Variants in NCOR1 observed in about 807,000 individuals in gnomAD.
NCOR1 encodes nuclear receptor corepressor 1, also known as protein phosphatase 1, regulatory subunit 109.
NCOR1 carries 63 observed loss-of-function variants against 288.1 expected under a neutral mutation model. The observed-to-expected ratio is 0.22, with a 90% CI of 0.18 to 0.27. NCOR1 has a LOEUF of 0.27. Ranked by LOEUF, NCOR1 falls within the 10% of genes least tolerant of loss-of-function variation. The pLI, the probability that NCOR1 is intolerant of heterozygous loss-of-function variation, is 1.00. For missense variants in NCOR1, 2,397 were observed against 3,019.2 expected (o/e 0.79, Z 4.83); for synonymous variants, 1,007 against 1,065.9 (o/e 0.94, Z 1.08).
At chr17:16,140,225 C>G (rs1021364582) in intron 11 of NCOR1, among the ~76,000 whole-genome samples, 2 of 151,616 alleles carry the variant, frequency 1.3e-5, no homozygotes, top group African/African-American at 2.4e-5. Context: ...ATAAATTTAA[C>G]AGAGATTTAC....
intron 5 of NCOR1, among the ~76,000 whole-genome samples, chr17:16,161,172 C>T (rs1439991695): frequency 6.6e-6 from 1 of 151,704 alleles, no homozygotes; most frequent in Non-Finnish European, 1.5e-5. Flanking sequence ...GTTCTTAGTA[C>T]CCAAATAGCC....
chr17:16,119,349 T>C, intron 17 of NCOR1, 74 bp downstream of exon 17: 1 of 1,076,618 alleles, frequency 9.3e-7, no homozygotes, highest in Non-Finnish European at 1.4e-6. Context: ...AAACAATTAG[T>C]TCCATCTCAC....
At chr17:16,080,850 C>A in intron 23 of NCOR1, 123 bp from the exon 24 acceptor site, 3 of 941,324 alleles carry the variant, frequency 3.2e-6, no homozygotes, top group East Asian at 2.7e-5. Flanking sequence ...CCCCTTCTAC[C>A]CAAAACCAAG....
intron 43 of NCOR1, chr17:16,040,167 A>G (rs777943849): frequency 3.5e-6 from 2 of 563,404 alleles, no homozygotes; most frequent in Admixed American, 2.2e-5. Context: ...CACTTCTATT[A>G]AAGTTACTCA....
rs1006107925 is a variant in NCOR1, at chr17:16,032,135, A to G, written c.*161T>C. On this transcript the variant is annotated 3_prime_UTR_variant, in exon 46 of 46. Transcript: ENST00000268712. ...TTGTTTTTTTCCCATTTGACTCTCC[A>G]AATGAACTTCCATCATTTCTTCATC... The G allele has an allele frequency of 3.0e-5, 22 of 726,964 alleles. No individual in the cohort carries two copies. In the African/African-American group the frequency reaches 4.1e-4, roughly 14 times the overall value. 45.0% of individuals were successfully genotyped at this position (726,964 alleles called of 1,614,324 possible). A position where few individuals can be genotyped will look rare whatever the true frequency, so the allele number is the denominator to read the frequency against.
At chr17:16,178,272 G>A (rs1293022421) in intron 3 of NCOR1, among the ~76,000 whole-genome samples, 1 of 151,926 alleles carries the variant, frequency 6.6e-6, no homozygotes, top group Non-Finnish European at 1.5e-5. Context: ...GGCTGAGGCA[G>A]GCAAATCCCA....
At chr17:16,085,182 ATTGT>A (rs774850239) in intron 23 of NCOR1, among the ~76,000 whole-genome samples, 7 of 152,348 alleles carry the variant, frequency 4.6e-5, no homozygotes, top group Non-Finnish European at 8.8e-5. Context: ...AGTGCCCAAC[ATTGT>A]TTGTTTTCAG....
chr17:16,200,482 C>A (rs62072520), intron 1 of NCOR1, among the ~76,000 whole-genome samples: 36 of 109,816 alleles, frequency 3.3e-4, no homozygotes, highest in African/African-American at 1.3e-3. Context: ...GACAACAGAG[C>A]GAGACTCCAT....
intron 21 of NCOR1, among the ~76,000 whole-genome samples, chr17:16,094,100 G>A (rs898623883): frequency 7.9e-5 from 12 of 151,574 alleles, no homozygotes; most frequent in African/African-American, 2.9e-4. Context: ...ACAGGGTTTC[G>A]CTATGTTGCC....
intron 3 of NCOR1, among the ~76,000 whole-genome samples, chr17:16,178,310 T>G (rs1225078137): frequency 6.6e-5 from 10 of 151,740 alleles, no homozygotes; most frequent in Non-Finnish European, 1.5e-5. Flanking sequence ...CCATCCTGAC[T>G]AACACAGTGA....
chr17:16,058,204 G>GAA, intron 38 of NCOR1, 140 bp from the exon 39 acceptor site: 3 of 966,054 alleles, frequency 3.1e-6, no homozygotes, highest in East Asian at 2.9e-5. Context: ...TAATTTTGGA[G>GAA]AAAAAAAAAA....
chr17:16,091,591 CTTTA>C (rs1451047846), intron 22 of NCOR1: 14 of 1,281,520 alleles, frequency 1.1e-5, no homozygotes, highest in East Asian at 3.5e-5. Flanking sequence ...TAAAGCATAA[CTTTA>C]TTTATAATGT....
rs139458532 is a variant in NCOR1, at chr17:16,073,554, C to T, written c.3686G>A (p.Arg1229Gln). ...ILSYDNIKNAREGTRSPRTAH... is the reference protein window; with the variant it reads ...ILSYDNIKNAQEGTRSPRTAH... Reference sequence around the variant, plus strand: ...TGTTCTTGGACTCCTAGTCCCTTCTCGGGCATTCTTAATATCTACAGAATA... The same window carrying T: ...TGTTCTTGGACTCCTAGTCCCTTCTTGGGCATTCTTAATATCTACAGAATA... Residue 1229 changes from arginine (R) to glutamine (Q), a missense_variant, in exon 28 of 46, where the codon CGA (arginine) becomes CAA (glutamine). Physicochemically the swap from Arg to Gln is conservative, Grantham distance 43. Around this residue, in one of 11 missense-constraint regions of NCOR1, gnomAD observed 1,872 missense variants for 2,187.8 expected, o/e 0.86. Transcript: ENST00000268712. 1,636 of 1,607,054 alleles carry T rather than the reference C, an allele frequency of 1.0e-3. 3 individuals are homozygous for T. Among genetic ancestry groups the T allele is most frequent in the Middle Eastern group, 3.1e-3 (19 of 6,044 alleles).
chr17:16,204,991 C>T (rs1246706601), intron 1 of NCOR1, among the ~76,000 whole-genome samples: 2 of 152,242 alleles, frequency 1.3e-5, no homozygotes, highest in African/African-American at 2.4e-5. Flanking sequence ...GAGGCCCAGG[C>T]GGGTGGATCA....
intron 2 of NCOR1, among the ~76,000 whole-genome samples, chr17:16,189,867 G>A (rs1017599955): frequency 6.6e-6 from 1 of 152,188 alleles, no homozygotes; most frequent in African/African-American, 2.4e-5. Flanking sequence ...ACACTGAATA[G>A]AAGCAAACAG....
At chr17:16,123,688 T>G (rs2073456438) in intron 15 of NCOR1, among the ~76,000 whole-genome samples, 1 of 152,238 alleles carries the variant, frequency 6.6e-6, no homozygotes, top group Non-Finnish European at 1.5e-5. Context: ...ATTCATGTGA[T>G]TCCCTCTACC....
In NCOR1 at chr17:16,062,233, A is replaced by G. The variant is rs758344375; in HGVS notation, c.5259T>C (p.Tyr1753=). The part of the protein sequence containing the change: ...EQPGRPGSHG[Y]VRSPSPSVRT... The stretch of plus-strand genomic sequence containing the variant: ...TTACTGAAGGGGAAGGGGAGCGAAC[A>G]TATCCATGACTGCCAGGTCGGCCAG... The change falls in exon 36 of 46, where the codon TAT becomes TAC. Residue 1753 remains tyrosine (Y), a synonymous_variant. Transcript: ENST00000268712. 2 of 1,612,468 alleles carry G rather than the reference A, an allele frequency of 1.2e-6. No individual in the cohort carries two copies. Among genetic ancestry groups the G allele is most frequent in the Admixed American group, 1.7e-5 (1 of 59,448 alleles).
intron 1 of NCOR1, among the ~76,000 whole-genome samples, chr17:16,196,876 G>T (rs1431987861): frequency 6.6e-6 from 1 of 151,504 alleles, no homozygotes; most frequent in Non-Finnish European, 1.5e-5. Context: ...AATTAGTCAG[G>T]CATGGCGGTA....
chr17:16,168,197 CTTTA>C (rs1316513111), intron 4 of NCOR1, among the ~76,000 whole-genome samples: 2 of 151,692 alleles, frequency 1.3e-5, no homozygotes, highest in African/African-American at 4.8e-5. Context: ...AAGTGGATAC[CTTTA>C]TTTATTTTTA....
Sources: allele counts gnomAD v4.1 joint callset (sites outside exome capture counted in the v4.1 genomes callset), GRCh38; gene constraint gnomAD v4.1.1; regional missense constraint gnomAD v4.1.1; transcripts MANE v1.5; gene names NCBI Gene and HGNC (gene_info 2026-07-23, HGNC 2026-07-21).